GLCE: variants seen among roughly 807,000 people sequenced by gnomAD.
GLCE encodes D-glucuronyl C5-epimerase.
Under a neutral mutation model 47.9 loss-of-function variants are expected in GLCE, and 19 were observed. The observed-to-expected ratio is 0.40, with a 90% confidence interval of 0.28 to 0.58. GLCE has a LOEUF of 0.58. Among genes scored for constraint, GLCE ranks in the 20% least tolerant of loss-of-function variants. The probability of loss-of-function intolerance (pLI) is 0.48; values close to 1 mark genes in which losing one functional copy is unlikely to be tolerated. For synonymous variants in GLCE, 245 were observed against 263.4 expected (o/e 0.93, Z 0.68); for missense variants, 556 against 743.3 (o/e 0.75, Z 2.93).
intron 1 of GLCE, among the ~76,000 whole-genome samples, chr15:69,206,102 C>T (rs2052148213): frequency 6.6e-6 from 1 of 152,046 alleles, no homozygotes; most frequent in African/African-American, 2.4e-5. Context: ...CCTAAATCTC[C>T]TATAGTCTAT....
intron 2 of GLCE, among the ~76,000 whole-genome samples, chr15:69,247,843 A>G (rs1242397608): frequency 1.3e-5 from 2 of 152,336 alleles, no homozygotes; most frequent in East Asian, 3.9e-4. Flanking sequence ...AACATTTATC[A>G]ATAAAGGTTG....
At chr15:69,190,784 A>G (rs1256020580) in intron 1 of GLCE, among the ~76,000 whole-genome samples, 1 of 152,100 alleles carries the variant, frequency 6.6e-6, no homozygotes, top group Non-Finnish European at 1.5e-5. Flanking sequence ...GACTGGTATG[A>G]TTAGACTTTT....
intron 1 of GLCE, among the ~76,000 whole-genome samples, chr15:69,168,826 CT>C (rs2140326590): frequency 6.6e-6 from 1 of 152,336 alleles, no homozygotes; most frequent in East Asian, 1.9e-4. Context: ...GCCACTGCCC[CT>C]GGCCCATCCA....
chr15:69,162,317 A>T (rs1595728234), intron 1 of GLCE, among the ~76,000 whole-genome samples: 1 of 112,528 alleles, frequency 8.9e-6, no homozygotes, highest in Non-Finnish European at 2.0e-5. Context: ...TGTATTGGTT[A>T]AAAAAAAAAA....
rs1374456047 is a variant in GLCE, at chr15:69,261,358, ATTT to A, written c.829+31_829+33del. 4 of 1,597,488 alleles carry A rather than the reference ATTT, an allele frequency of 2.5e-6. No homozygotes were observed. The East Asian group carries it at 9.0e-5, about 36-fold the overall frequency. On this transcript the variant is annotated intron_variant, in intron 4 of 4. Transcript: ENST00000261858. Reference sequence around the variant, plus strand: ...AGTTATGTATTATATGTGCCTGCTAATTTTATGTTGATTTATGGGACCCTGATA... The same window carrying A: ...AGTTATGTATTATATGTGCCTGCTAATATGTTGATTTATGGGACCCTGATA...
At chr15:69,177,928 C>T (rs1389964656) in intron 1 of GLCE, among the ~76,000 whole-genome samples, 1 of 152,156 alleles carries the variant, frequency 6.6e-6, no homozygotes, top group Non-Finnish European at 1.5e-5. Flanking sequence ...TCTGTTGTTG[C>T]ATGTATAAAT....
chr15:69,215,795 T>C (rs1231509932), intron 2 of GLCE, among the ~76,000 whole-genome samples: 1 of 152,196 alleles, frequency 6.6e-6, no homozygotes, highest in Admixed American at 6.5e-5. Context: ...TCTGTTCTAA[T>C]GTATGTGTAG....
chr15:69,186,574 A>G (rs1226642306), intron 1 of GLCE, among the ~76,000 whole-genome samples: 1 of 152,222 alleles, frequency 6.6e-6, no homozygotes, highest in African/African-American at 2.4e-5. Context: ...TTCTGATGCT[A>G]AAAAATAAAT....
intron 4 of GLCE, among the ~76,000 whole-genome samples, chr15:69,267,744 A>G (rs2053105687): frequency 6.6e-6 from 1 of 152,180 alleles, no homozygotes; most frequent in African/African-American, 2.4e-5. Flanking sequence ...CCCTTAGAAC[A>G]TAGTAAGTAC....
At chr15:69,165,505 CTTTTT>C (rs1172987241) in intron 1 of GLCE, among the ~76,000 whole-genome samples, 2 of 84,630 alleles carry the variant, frequency 2.4e-5, no homozygotes, top group Non-Finnish European at 4.7e-5. Flanking sequence ...GCACTGTCTG[CTTTTT>C]TTTTTTTTTT....
chr15:69,222,346 C>T (rs1220154110), intron 2 of GLCE, among the ~76,000 whole-genome samples: 2 of 152,144 alleles, frequency 1.3e-5, no homozygotes, highest in African/African-American at 4.8e-5. Flanking sequence ...GGTGGAGGCA[C>T]CACGGGCAGG....
intron 1 of GLCE, among the ~76,000 whole-genome samples, chr15:69,190,337 T>C (rs990512332): frequency 3.3e-5 from 5 of 152,122 alleles, no homozygotes; most frequent in Non-Finnish European, 5.9e-5. Context: ...AAGTTTACTA[T>C]GTCCTTACTA....
chr15:69,223,523 G>A (rs1301684935), intron 2 of GLCE, among the ~76,000 whole-genome samples: 1 of 152,024 alleles, frequency 6.6e-6, no homozygotes, highest in Non-Finnish European at 1.5e-5. Flanking sequence ...TTTGGCTTTC[G>A]ATAGTTTCAT....
chr15:69,162,579 CAG>C (rs2051441304), intron 1 of GLCE, among the ~76,000 whole-genome samples: 2 of 150,682 alleles, frequency 1.3e-5, no homozygotes, highest in Admixed American at 6.6e-5. Context: ...TCTTTTGAAA[CAG>C]GGACTTATTC....
intron 1 of GLCE, among the ~76,000 whole-genome samples, chr15:69,183,112 C>G (rs536228092): frequency 6.6e-6 from 1 of 152,190 alleles, no homozygotes; most frequent in East Asian, 1.9e-4. Context: ...AGGGAAGGAT[C>G]AGTGGAAGAT....
At chr15:69,221,830 T>G (rs1350290407) in intron 2 of GLCE, among the ~76,000 whole-genome samples, 1 of 139,730 alleles carries the variant, frequency 7.2e-6, no homozygotes, top group African/African-American at 2.7e-5. Flanking sequence ...GCCACTGTAC[T>G]CTAGCCAGGG....
At chr15:69,263,410 A>G (rs1173629288) in intron 4 of GLCE, among the ~76,000 whole-genome samples, 1 of 152,134 alleles carries the variant, frequency 6.6e-6, no homozygotes, top group Admixed American at 6.5e-5. Context: ...GAGGACCACA[A>G]GCTGAATGCT....
chr15:69,237,426 C>G (rs1321138400), intron 2 of GLCE, among the ~76,000 whole-genome samples: 4 of 152,082 alleles, frequency 2.6e-5, no homozygotes, highest in Non-Finnish European at 5.9e-5. Flanking sequence ...TAAACCCCGT[C>G]TCTACTAAAA....
intron 3 of GLCE, 105 bp from the exon 4 acceptor site, chr15:69,260,982 G>A: frequency 9.2e-7 from 1 of 1,081,192 alleles, no homozygotes; most frequent in Non-Finnish European, 1.3e-6. Context: ...ACAACTTCCT[G>A]ATAACCCTGT....
Sources: allele counts gnomAD v4.1 joint callset (sites outside exome capture counted in the v4.1 genomes callset), GRCh38; gene constraint gnomAD v4.1.1; transcripts MANE v1.5; gene names NCBI Gene and HGNC (gene_info 2026-07-23, HGNC 2026-07-21).